The following DRC11 variants were observed in gnomAD, a reference collection of about 807,000 sequenced individuals.
DRC11 encodes the protein IQ and AAA domain-containing protein 1.
the DRC11 span, among the ~76,000 whole-genome samples, chr2:236,439,856 T>A: frequency 6.6e-6 from 1 of 152,190 alleles, no homozygotes; most frequent in African/African-American, 2.4e-5. Context: ...TAATTTAATT[T>A]AAAAAATTAG....
chr2:236,399,891 T>A, the DRC11 span, among the ~76,000 whole-genome samples: 1 of 152,136 alleles, frequency 6.6e-6, no homozygotes, highest in Non-Finnish European at 1.5e-5. The surrounding 1 kb of genome is among the most constrained non-coding windows in gnomAD (Gnocchi z 7.0). Flanking sequence ...AATTTTTAAA[T>A]TTTTCTGTAG....
chr2:236,326,821 TG>T, the DRC11 span, among the ~76,000 whole-genome samples: 1 of 151,730 alleles, frequency 6.6e-6, no homozygotes, highest in African/African-American at 2.4e-5. Flanking sequence ...TGTGTGTGTG[TG>T]TGTGTGTGTG....
the DRC11 span, among the ~76,000 whole-genome samples, chr2:236,358,870 C>T: frequency 2.0e-5 from 3 of 149,420 alleles, no homozygotes; most frequent in Non-Finnish European, 4.5e-5. Flanking sequence ...TCTGGGGAAG[C>T]ATCGGCTCCG....
At chr2:236,415,651 C>CA in the DRC11 span, among the ~76,000 whole-genome samples, 1 of 152,204 alleles carries the variant, frequency 6.6e-6, no homozygotes, top group Non-Finnish European at 1.5e-5. This position sits in a 1 kb window ranked among gnomAD's most constrained non-coding sequence, Gnocchi z 5.7. Context: ...GTTTCCCCTT[C>CA]ATTTGCAAGC....
the DRC11 span, among the ~76,000 whole-genome samples, chr2:236,409,411 T>A: frequency 2.0e-5 from 3 of 152,170 alleles, no homozygotes; most frequent in Non-Finnish European, 4.4e-5. Flanking sequence ...TCTCTGTTTG[T>A]CTGTTGTTGG....
At chr2:236,374,892 G>A in the DRC11 span, among the ~76,000 whole-genome samples, 5 of 149,336 alleles carry the variant, frequency 3.3e-5, no homozygotes, top group East Asian at 7.8e-4. Context: ...GTAGAGATGG[G>A]GTTTCTCCAT....
chr2:236,415,451 C>T, the DRC11 span, among the ~76,000 whole-genome samples: 5 of 152,134 alleles, frequency 3.3e-5, no homozygotes, highest in African/African-American at 1.2e-4. This position sits in a 1 kb window ranked among gnomAD's most constrained non-coding sequence, Gnocchi z 5.7. Context: ...AATAACTGGT[C>T]TCAGGAATGG....
At chr2:236,478,026 T>TGC in the DRC11 span, among the ~76,000 whole-genome samples, 2 of 151,886 alleles carry the variant, frequency 1.3e-5, no homozygotes, top group African/African-American at 2.4e-5. The surrounding 1 kb of genome is among the most constrained non-coding windows in gnomAD (Gnocchi z 5.9). Context: ...TGTGTGTGTG[T>TGC]GTGTGTTTTA....
At chr2:236,360,198 G>A in the DRC11 span, among the ~76,000 whole-genome samples, 94 of 152,230 alleles carry the variant, frequency 6.2e-4, no homozygotes, top group Middle Eastern at 3.4e-3. The surrounding 1 kb of genome is among the most constrained non-coding windows in gnomAD (Gnocchi z 5.8). Flanking sequence ...TTCAGTGAGC[G>A]GCCGTATAAT....
At chr2:236,391,812 G>A in the DRC11 span, among the ~76,000 whole-genome samples, 1 of 152,162 alleles carries the variant, frequency 6.6e-6, no homozygotes, top group African/African-American at 2.4e-5. The surrounding 1 kb of genome is among the most constrained non-coding windows in gnomAD (Gnocchi z 4.5). Context: ...CAGGCCCAAA[G>A]GTTAAATGGT....
the DRC11 span, among the ~76,000 whole-genome samples, chr2:236,327,827 C>T: frequency 3.3e-5 from 5 of 152,064 alleles, no homozygotes; most frequent in Admixed American, 3.3e-4. Flanking sequence ...GGATTACAGG[C>T]ATGTGCCACC....
At chr2:236,459,515 A>ATATACG in the DRC11 span, among the ~76,000 whole-genome samples, 3 of 97,556 alleles carry the variant, frequency 3.1e-5, no homozygotes, top group African/African-American at 1.2e-4. Flanking sequence ...ACGTATACGT[A>ATATACG]TACATGTATA....
chr2:236,486,363 G>A, the DRC11 span, among the ~76,000 whole-genome samples: 1 of 152,172 alleles, frequency 6.6e-6, no homozygotes, highest in African/African-American at 2.4e-5. This position sits in a 1 kb window ranked among gnomAD's most constrained non-coding sequence, Gnocchi z 5.7. Flanking sequence ...GAAACTGTGA[G>A]ACAACAAATT....
chr2:236,414,355 T>A, the DRC11 span, among the ~76,000 whole-genome samples: 1 of 152,208 alleles, frequency 6.6e-6, no homozygotes, highest in Admixed American at 6.5e-5. Flanking sequence ...AGCTTCATAG[T>A]TTTATGTTTA....
chr2:236,499,552 C>CT, the DRC11 span, among the ~76,000 whole-genome samples: 1 of 152,226 alleles, frequency 6.6e-6, no homozygotes, highest in African/African-American at 2.4e-5. This position sits in a 1 kb window ranked among gnomAD's most constrained non-coding sequence, Gnocchi z 4.7. Context: ...CCTCAGCCTC[C>CT]TGGGTAGCTG....
the DRC11 span, chr2:236,497,159 T>C: frequency 6.2e-7 from 1 of 1,601,728 alleles, no homozygotes; most frequent in South Asian, 1.1e-5. This position sits in a 1 kb window ranked among gnomAD's most constrained non-coding sequence, Gnocchi z 5.1. Context: ...AACAGAGTGC[T>C]TACGGGGGCC....
the DRC11 span, among the ~76,000 whole-genome samples, chr2:236,355,700 T>A: frequency 1.3e-5 from 2 of 151,894 alleles, no homozygotes; most frequent in South Asian, 4.2e-4. Context: ...GAGACTAACA[T>A]ATGTATTACA....
the DRC11 span, among the ~76,000 whole-genome samples, chr2:236,421,322 TAAA>T: frequency 2.0e-5 from 3 of 151,530 alleles, no homozygotes; most frequent in South Asian, 2.1e-4. Flanking sequence ...GCAAGACTAA[TAAA>T]GAAGAAAAGA....
At chr2:236,340,988 C>T in the DRC11 span, among the ~76,000 whole-genome samples, 3 of 152,168 alleles carry the variant, frequency 2.0e-5, no homozygotes, top group African/African-American at 7.2e-5. Context: ...ATCCATCATG[C>T]CAGCAAACCA....
Sources: gnomAD v4.1 joint callset for allele counts (sites outside exome capture counted in the v4.1 genomes callset) on GRCh38, gnomAD v4.1.1 for gene constraint, Gnocchi (gnomAD v3.1) non-coding constraint, MANE v1.5 for transcripts, NCBI Gene and HGNC (gene_info 2026-07-23, HGNC 2026-07-21) for gene names.